The following STIMATE variants were observed in gnomAD, a reference collection of about 807,000 sequenced individuals.
STIMATE encodes the protein STIM activating enhancer.
A neutral mutation model predicts 36.7 loss-of-function variants in STIMATE; 15 were observed. That is an observed-to-expected ratio of 0.41 (90% CI 0.27 to 0.63). STIMATE has a LOEUF of 0.63. STIMATE is among the 20% of genes least tolerant of loss of function. The pLI, the probability that STIMATE is intolerant of heterozygous loss-of-function variation, is 0.32. For synonymous variants in STIMATE, 163 were observed against 162.3 expected (o/e 1.00, Z -0.03); for missense variants, 305 against 397.3 (o/e 0.77, Z 1.98).
chr3:52,871,471 A>T (rs1380505933), intron 1 of STIMATE, among the ~76,000 whole-genome samples: 1 of 152,108 alleles, frequency 6.6e-6, no homozygotes, highest in East Asian at 1.9e-4. Context: ...CTGGATTCCA[A>T]ACCCACTCCT....
chr3:52,874,000 C>T (rs1020908335), intron 1 of STIMATE, among the ~76,000 whole-genome samples: 16 of 152,116 alleles, frequency 1.1e-4, no homozygotes, highest in African/African-American at 2.2e-4. Context: ...TGAAAAGTTG[C>T]GTCAGGTTAT....
intron 1 of STIMATE, among the ~76,000 whole-genome samples, chr3:52,875,153 A>G (rs936782300): frequency 9.9e-5 from 15 of 152,194 alleles, no homozygotes; most frequent in Admixed American, 7.2e-4. Context: ...TAAAATGTTC[A>G]TTGTGTATGT....
chr3:52,863,919 C>T (rs1701260131), intron 1 of STIMATE, among the ~76,000 whole-genome samples: 1 of 152,262 alleles, frequency 6.6e-6, no homozygotes, highest in Non-Finnish European at 1.5e-5. Context: ...TAGGTTCCCA[C>T]AGTCTTGGGC....
At chr3:52,847,608 AAG>A (rs1320914034) in intron 4 of STIMATE, 2 of 1,138,610 alleles carry the variant, frequency 1.8e-6, no homozygotes, top group African/African-American at 2.1e-5. Flanking sequence ...TTTACATGAG[AAG>A]AGAGCTGTGG....
rs546940187 is a variant in STIMATE, at chr3:52,882,654, G to A, written c.160+14637C>T. 2.9e-4 allele frequency among the ~76,000 whole-genome samples: 44 copies of A among 152,214 alleles called. 1 individual carries two copies. Among genetic ancestry groups the A allele is most frequent in the Middle Eastern group, 6.8e-3 (2 of 294 alleles). ...TCACCACAGTGTTTCTGTCCACCCC[G>A]AAAGGAAATTTCCTTTCCCCTATTC... On this transcript the variant is annotated intron_variant, in intron 1 of 7. Transcript: ENST00000355083.
intron 1 of STIMATE, among the ~76,000 whole-genome samples, chr3:52,886,563 G>A (rs566290219): frequency 2.0e-5 from 3 of 152,294 alleles, no homozygotes; most frequent in East Asian, 3.9e-4. Flanking sequence ...ACTCAGTTTC[G>A]TCACCAGAGA....
intron 1 of STIMATE, among the ~76,000 whole-genome samples, chr3:52,895,337 TA>T (rs1263504247): frequency 1.3e-5 from 2 of 152,142 alleles, no homozygotes; most frequent in Admixed American, 6.5e-5. Flanking sequence ...TGCTTCTAGG[TA>T]GGGGGAGGAG....
rs533174899 is a variant in STIMATE at position 52,897,427 on chromosome 3, C to T, written c.24G>A (p.Ala8=). The T allele has an allele frequency of 1.4e-6, 2 of 1,444,028 alleles. No individual in the cohort carries two copies. The highest frequency in any genetic ancestry group is 1.4e-5 in the South Asian group (1 of 71,760). The allele number at this position is 1,444,028 out of a possible 1,614,324, so 89.5% of individuals were successfully genotyped here. ...GCGGCCCGCCTGGCAGTCCCCGGCTCGCGTTCCCGGCGGGGCCCTGCATGA... is the reference window on the plus strand; with the variant it reads ...GCGGCCCGCCTGGCAGTCCCCGGCTTGCGTTCCCGGCGGGGCCCTGCATGA... MQGPAGN[A]SRGLPGGPPS... is the part of the protein sequence containing the mutation. Residue 8 remains alanine (A), a synonymous_variant, in exon 1 of 8, where the codon GCG becomes GCA. Coordinates refer to ENST00000355083, the MANE Select transcript of STIMATE (RefSeq NM_198563.5).
chr3:52,879,429 A>T (rs1701565790), intron 1 of STIMATE, among the ~76,000 whole-genome samples: 1 of 152,196 alleles, frequency 6.6e-6, no homozygotes, highest in Non-Finnish European at 1.5e-5. Context: ...TGGATACTTC[A>T]GGAGCCTTGA....
At chr3:52,853,553 C>G (rs751754035) in intron 2 of STIMATE, among the ~76,000 whole-genome samples, 43 of 152,150 alleles carry the variant, frequency 2.8e-4, no homozygotes, top group Non-Finnish European at 5.3e-4. Context: ...TCCAGACCAA[C>G]CCAGCGACGG....
chr3:52,875,928 GAAGC>G (rs1198596013), intron 1 of STIMATE, among the ~76,000 whole-genome samples: 2 of 152,226 alleles, frequency 1.3e-5, no homozygotes, highest in East Asian at 3.8e-4. Flanking sequence ...CTCACCTGGA[GAAGC>G]AGTGTGAGGG....
intron 1 of STIMATE, among the ~76,000 whole-genome samples, chr3:52,875,858 C>T (rs918327794): frequency 6.6e-6 from 1 of 152,168 alleles, no homozygotes; most frequent in East Asian, 1.9e-4. Flanking sequence ...GCCACTCAGC[C>T]GGCCCCCTCC....
At chr3:52,885,619 C>G (rs866937742) in intron 1 of STIMATE, among the ~76,000 whole-genome samples, 2 of 152,238 alleles carry the variant, frequency 1.3e-5, no homozygotes, top group Non-Finnish European at 2.9e-5. Context: ...CACAAGAGAT[C>G]TGTTCATAAA....
intron 1 of STIMATE, among the ~76,000 whole-genome samples, chr3:52,865,686 G>A (rs1701295818): frequency 6.6e-6 from 1 of 152,194 alleles, no homozygotes; most frequent in African/African-American, 2.4e-5. Context: ...TGGGAATTAT[G>A]GGAGTACAAT....
In STIMATE at chr3:52,842,828, C is replaced by T. The variant is rs1326025589; in HGVS notation, c.751G>A (p.Glu251Lys). 6.8e-6 allele frequency: 11 copies of T among 1,614,206 alleles called. No homozygotes were observed. Among genetic ancestry groups the T allele is most frequent in the South Asian group, 1.1e-5 (1 of 91,084 alleles). Reference sequence around the variant, plus strand: ...GGCCCTACCTCAGACTCAGACTCCTCGTGGGATGCGGCCCTCCGGTAGCGG... The same window carrying T: ...GGCCCTACCTCAGACTCAGACTCCTTGTGGGATGCGGCCCTCCGGTAGCGG... ...KVRYRRAASH[E>K]ESESEILISA... Residue 251 changes from glutamate to lysine, a missense_variant, in exon 7 of 8, where the codon GAG (glutamate) becomes AAG (lysine). By Grantham distance (56) the Glu-to-Lys change is moderately conservative. Transcript: ENST00000355083.
chr3:52,857,690 C>T (rs575428221), intron 1 of STIMATE, among the ~76,000 whole-genome samples: 24 of 150,940 alleles, frequency 1.6e-4, no homozygotes, highest in South Asian at 6.3e-4. Flanking sequence ...AAATGTATTA[C>T]ATTATAAATG....
chr3:52,875,524 G>A (rs1387775182), intron 1 of STIMATE, among the ~76,000 whole-genome samples: 1 of 152,124 alleles, frequency 6.6e-6, no homozygotes, highest in Non-Finnish European at 1.5e-5. Context: ...GTAACCCAAG[G>A]CTCCCACACC....
chr3:52,884,391 G>A (rs973960152), intron 1 of STIMATE, among the ~76,000 whole-genome samples: 13 of 151,896 alleles, frequency 8.6e-5, no homozygotes, highest in African/African-American at 1.5e-4. Flanking sequence ...GACAACAGGC[G>A]CCCGCCACCA....
intron 1 of STIMATE, among the ~76,000 whole-genome samples, chr3:52,896,973 T>C (rs1223767726): frequency 1.3e-5 from 2 of 152,056 alleles, no homozygotes; most frequent in Non-Finnish European, 2.9e-5. Flanking sequence ...GATGTCACCC[T>C]TGGGGGTCAT....
Sources: allele counts gnomAD v4.1 joint callset (sites outside exome capture counted in the v4.1 genomes callset), GRCh38; gene constraint gnomAD v4.1.1; transcripts MANE v1.5; gene names NCBI Gene and HGNC (gene_info 2026-07-23, HGNC 2026-07-21).